Variants in BACH2 observed in about 807,000 individuals in gnomAD.
The protein encoded by BACH2 is transcription regulator protein BACH2.
In BACH2, 5 loss-of-function variants were observed where a neutral mutation model predicts 61.8. That is an observed-to-expected ratio of 0.08 (90% CI 0.04 to 0.17). The LOEUF (loss-of-function observed/expected upper bound fraction) is 0.17, where lower values mean the gene tolerates loss of function less well. Among genes scored for constraint, BACH2 ranks in the 10% least tolerant of loss-of-function variants. The probability of loss-of-function intolerance (pLI) is 1.00; values close to 1 mark genes in which losing one functional copy is unlikely to be tolerated. For synonymous variants in BACH2, 446 were observed against 440.1 expected, an observed-to-expected ratio of 1.01 and a Z score of -0.17; for missense variants, 824 against 1,091.1, an observed-to-expected ratio of 0.76 and a Z score of 3.45.
chr6:90,111,958 C>G (rs1455835960), intron 4 of BACH2, among the ~76,000 whole-genome samples: 1 of 152,194 alleles, frequency 6.6e-6, no homozygotes, highest in African/African-American at 2.4e-5. Flanking sequence ...GGAAAGCTCT[C>G]TGCATACTGC....
intron 2 of BACH2, among the ~76,000 whole-genome samples, chr6:90,263,609 A>G (rs556844772): frequency 5.9e-5 from 9 of 152,318 alleles, no homozygotes; most frequent in African/African-American, 2.2e-4. Context: ...CAGCCTTTAT[A>G]AGAGTAGCAT....
rs1481642534 is a variant in BACH2 at position 90,118,952 on chromosome 6, A to G, written c.-161-29843T>C. Among the ~76,000 whole-genome samples the G allele has an allele frequency of 8.5e-5, 13 of 152,352 alleles. No individual in the cohort carries two copies. The South Asian group carries it at 1.2e-3, about 15-fold the overall frequency. On this transcript the variant is annotated intron_variant, in intron 4 of 8. Transcript: ENST00000257749. The stretch of plus-strand genomic sequence containing the variant: ...TAAAATGGAGATAATAGTACTTACC[A>G]AGTAAGATTTTTATGATGATTAAAG...
At chr6:90,029,727 T>C (rs1465434835) in intron 5 of BACH2, among the ~76,000 whole-genome samples, 1 of 152,240 alleles carries the variant, frequency 6.6e-6, no homozygotes, top group Non-Finnish European at 1.5e-5. Context: ...CTGTTTCTGC[T>C]GAGGTCTCCT....
intron 6 of BACH2, among the ~76,000 whole-genome samples, chr6:89,979,411 CA>C (rs1235625874): frequency 6.6e-6 from 1 of 152,158 alleles, no homozygotes; most frequent in African/African-American, 2.4e-5. Context: ...ACTAACTGTC[CA>C]AATGAGAAGA....
At chr6:90,056,683 C>T (rs1582279835) in intron 5 of BACH2, among the ~76,000 whole-genome samples, 1 of 152,246 alleles carries the variant, frequency 6.6e-6, no homozygotes, top group Non-Finnish European at 1.5e-5. Context: ...TTTTCAGCAC[C>T]ACACCACACC....
chr6:89,991,859 A>T (rs1336400915), intron 6 of BACH2, among the ~76,000 whole-genome samples: 1 of 152,204 alleles, frequency 6.6e-6, no homozygotes, highest in Non-Finnish European at 1.5e-5. Flanking sequence ...GTTGTCTTAA[A>T]GAATGTTCCA....
rs186922392 is a variant in BACH2 at position 90,161,896 on chromosome 6, T to C, written c.-162+44673A>G. ...TCGATGGTGGTTATAGGTCTGAAAATGTGTACTAAAAGAAGCGGAACCTCT... is the reference window on the plus strand; with the variant it reads ...TCGATGGTGGTTATAGGTCTGAAAACGTGTACTAAAAGAAGCGGAACCTCT... On this transcript the variant is annotated intron_variant, in intron 4 of 8. Transcript: ENST00000257749. 2.8e-3 allele frequency among the ~76,000 whole-genome samples: 424 copies of C among 152,288 alleles called. 3 individuals carry two copies. The highest frequency in any genetic ancestry group is 9.9e-3 in the African/African-American group (413 of 41,556).
chr6:90,238,937 AC>A (rs1337236168), intron 3 of BACH2, among the ~76,000 whole-genome samples: 1 of 152,124 alleles, frequency 6.6e-6, no homozygotes. Flanking sequence ...TGAAGAGCAC[AC>A]CTCACTTCCT....
At chr6:90,068,990 G>T (rs1171709534) in intron 5 of BACH2, among the ~76,000 whole-genome samples, 1 of 152,114 alleles carries the variant, frequency 6.6e-6, no homozygotes, top group African/African-American at 2.4e-5. Context: ...TTCTTCCTTT[G>T]ATTATTTTGC....
chr6:89,989,101 T>C (rs10806416), intron 6 of BACH2, among the ~76,000 whole-genome samples: 49,615 of 152,082 alleles, frequency 0.33, 8,617 homozygotes, highest in Middle Eastern at 0.38. Context: ...ACAGAGCATG[T>C]CCCTCCAGTT....
chr6:89,983,531 T>C (rs575244224), intron 6 of BACH2, among the ~76,000 whole-genome samples: 1 of 152,040 alleles, frequency 6.6e-6, no homozygotes, highest in South Asian at 2.1e-4. Flanking sequence ...TAGCCGGGTG[T>C]GGTGGCAGGC....
chr6:90,296,167 T>A, intron 1 of BACH2, among the ~76,000 whole-genome samples: 1 of 152,044 alleles, frequency 6.6e-6, no homozygotes, highest in Admixed American at 6.5e-5. Context: ...TCCTCCTCCC[T>A]CTGCTGTTCC....
chr6:90,173,564 C>T (rs928994754), intron 4 of BACH2, among the ~76,000 whole-genome samples: 1 of 151,992 alleles, frequency 6.6e-6, no homozygotes. Flanking sequence ...GTGAAAGAAG[C>T]CAAACACAAA....
At chr6:90,290,362 G>A (rs756839723) in intron 1 of BACH2, among the ~76,000 whole-genome samples, 5 of 152,324 alleles carry the variant, frequency 3.3e-5, no homozygotes, top group East Asian at 1.9e-4. Flanking sequence ...CAGATGACGT[G>A]CTTCATGAGA....
chr6:90,123,312 C>T (rs1051593993), intron 4 of BACH2, among the ~76,000 whole-genome samples: 1 of 152,208 alleles, frequency 6.6e-6, no homozygotes, highest in Non-Finnish European at 1.5e-5. Context: ...AGGGATGATT[C>T]TGCCCTGAAG....
At chr6:90,158,241 T>G (rs2127832248) in intron 4 of BACH2, among the ~76,000 whole-genome samples, 1 of 152,220 alleles carries the variant, frequency 6.6e-6, no homozygotes, top group South Asian at 2.1e-4. Context: ...AAGATAAGAT[T>G]AACAAACATC....
At chr6:90,284,769 T>C (rs1771967091) in intron 1 of BACH2, among the ~76,000 whole-genome samples, 2 of 152,166 alleles carry the variant, frequency 1.3e-5, no homozygotes, top group South Asian at 4.1e-4. Flanking sequence ...TTTTCCAACC[T>C]TTCACTAAGA....
intron 4 of BACH2, among the ~76,000 whole-genome samples, chr6:90,154,813 T>C (rs1784939858): frequency 6.6e-6 from 1 of 152,210 alleles, no homozygotes; most frequent in Non-Finnish European, 1.5e-5. Flanking sequence ...AGTGTTACTT[T>C]GGCAGGGTCC....
chr6:90,283,373 G>A (rs1018048936), intron 1 of BACH2, among the ~76,000 whole-genome samples: 8 of 150,958 alleles, frequency 5.3e-5, no homozygotes, highest in African/African-American at 1.5e-4. Flanking sequence ...GACCCCTCAT[G>A]CTTTTTTTTT....
Sources: gnomAD v4.1 joint callset for allele counts (sites outside exome capture counted in the v4.1 genomes callset) on GRCh38, gnomAD v4.1.1 for gene constraint, MANE v1.5 for transcripts, NCBI Gene and HGNC (gene_info 2026-07-23, HGNC 2026-07-21) for gene names.